GALNT2: variants seen among roughly 807,000 people sequenced by gnomAD.
GALNT2 encodes polypeptide N-acetylgalactosaminyltransferase 2, also known as UDP-GalNAc:polypeptide N-acetylgalactosaminyltransferase 2.
In GALNT2, 31 loss-of-function variants were observed where a neutral mutation model predicts 81.4. That is an observed-to-expected ratio of 0.38 (90% confidence interval 0.29 to 0.51). GALNT2 has a LOEUF of 0.51. GALNT2 is among the 20% of genes least tolerant of loss of function. GALNT2 has a pLI of 0.87. For synonymous variants in GALNT2, 303 were observed against 287.4 expected (o/e 1.05, Z -0.55); for missense variants, 629 against 765.7 (o/e 0.82, Z 2.11).
chr1:230,147,594 C>T (rs1661960309), intron 1 of GALNT2, among the ~76,000 whole-genome samples: 1 of 152,182 alleles, frequency 6.6e-6, no homozygotes, highest in African/African-American at 2.4e-5. Context: ...GTAAAATAAT[C>T]TCAGGCCAGG....
rs553476852 is a variant in GALNT2 at position 230,178,363 on chromosome 1, G to A, written c.220+52G>A. 4.3e-5 allele frequency: 60 copies of A among 1,380,084 alleles called. No individual in the cohort carries two copies. In the Admixed American group the frequency reaches 1.0e-3, roughly 24 times the overall value. 85.5% of individuals were successfully genotyped at this position (1,380,084 alleles called of 1,614,324 possible). On this transcript the variant is annotated intron_variant, in intron 2 of 15. Coordinates refer to ENST00000366672, the MANE Select transcript of GALNT2 (RefSeq NM_004481.5). ...TTGCTTTGAGCACGTGATTGGGAGT[G>A]GACTGAGCATGGCTCTTGGAGCAGG... is the stretch of plus-strand genomic sequence containing the variant.
At chr1:230,067,196 C>T (rs1659215059), upstream of GALNT2, 1 of 831,436 alleles carries the variant, frequency 1.2e-6, no homozygotes, top group East Asian at 4.5e-5. Context: ...TTCCTCCGCT[C>T]CTCCCCCGGC....
chr1:230,245,071 T>A (rs1421096868), intron 7 of GALNT2, among the ~76,000 whole-genome samples: 1 of 152,198 alleles, frequency 6.6e-6, no homozygotes, highest in Non-Finnish European at 1.5e-5. Context: ...TTAAAGAGGT[T>A]AGAGATGTTA....
chr1:230,188,409 C>T (rs967342613), intron 2 of GALNT2, among the ~76,000 whole-genome samples: 1 of 152,172 alleles, frequency 6.6e-6, no homozygotes, highest in African/African-American at 2.4e-5. Flanking sequence ...GATCTGGGTT[C>T]GGAACAAGGA....
At chr1:230,080,581 C>G (rs1659696579) in intron 1 of GALNT2, among the ~76,000 whole-genome samples, 1 of 152,056 alleles carries the variant, frequency 6.6e-6, no homozygotes, top group African/African-American at 2.4e-5. Flanking sequence ...ACAGCAGAAG[C>G]CCAGGAGGCT....
At chr1:230,111,996 T>G (rs1008960709) in intron 1 of GALNT2, among the ~76,000 whole-genome samples, 5 of 152,050 alleles carry the variant, frequency 3.3e-5, no homozygotes, top group African/African-American at 1.2e-4. Flanking sequence ...CAGGCTGGCT[T>G]AAGCAGAAAA....
intron 1 of GALNT2, among the ~76,000 whole-genome samples, chr1:230,072,630 A>C (rs1343031964): frequency 6.6e-6 from 1 of 152,206 alleles, no homozygotes; most frequent in Non-Finnish European, 1.5e-5. Context: ...GAGCCGTACA[A>C]GTCAGTGGAT....
chr1:230,137,178 C>T (rs11122383), intron 1 of GALNT2, among the ~76,000 whole-genome samples: 69,980 of 152,074 alleles, frequency 0.46, 16,432 homozygotes, highest in Middle Eastern at 0.57. Context: ...GTGCTTTTCA[C>T]TGGAGCCTGA....
intron 3 of GALNT2, among the ~76,000 whole-genome samples, chr1:230,215,098 C>T (rs747276230): frequency 2.6e-5 from 4 of 152,172 alleles, no homozygotes; most frequent in East Asian, 1.9e-4. Context: ...AGCTGGGTTT[C>T]GGTCTTTTGT....
At chr1:230,176,435 A>G (rs1263968366) in intron 1 of GALNT2, among the ~76,000 whole-genome samples, 2 of 152,212 alleles carry the variant, frequency 1.3e-5, no homozygotes, top group Non-Finnish European at 2.9e-5. Flanking sequence ...ACAAGTTTAA[A>G]TGATTTGATC....
intron 3 of GALNT2, among the ~76,000 whole-genome samples, chr1:230,220,260 A>T (rs77703515): frequency 0.01 from 1,383 of 137,236 alleles, 11 homozygotes; most frequent in Non-Finnish European, 0.016. Context: ...TATGATACAG[A>T]TTTTTTTCCA....
At chr1:230,240,032 T>C (rs1167867472) in intron 6 of GALNT2, among the ~76,000 whole-genome samples, 1 of 152,262 alleles carries the variant, frequency 6.6e-6, no homozygotes, top group Non-Finnish European at 1.5e-5. Flanking sequence ...TGTTACATTT[T>C]TACTTCAAAT....
upstream of GALNT2, among the ~76,000 whole-genome samples, chr1:230,066,281 C>T (rs1321258): frequency 0.14 from 22,066 of 152,244 alleles, 2,456 homozygotes; most frequent in East Asian, 0.34. Flanking sequence ...GCAAGGGCAT[C>T]ACCAAGGTTA....
intron 2 of GALNT2, among the ~76,000 whole-genome samples, chr1:230,178,762 T>C (rs1572054473): frequency 6.6e-6 from 1 of 152,110 alleles, no homozygotes; most frequent in South Asian, 2.1e-4. Context: ...GAACCTGCAT[T>C]GACACGTCAT....
At chr1:230,122,001 A>G (rs1265220113) in intron 1 of GALNT2, among the ~76,000 whole-genome samples, 2 of 121,122 alleles carry the variant, frequency 1.7e-5, no homozygotes, top group African/African-American at 6.5e-5. Flanking sequence ...TGCCCAGGCT[A>G]GCCTTGAACT....
Position 230,083,019 on chromosome 1 carries a change from C to T in GALNT2, c.126+15613C>T, listed in dbSNP as rs536501752. Among the ~76,000 whole-genome samples, 71 of 139,862 alleles carry T rather than the reference C, an allele frequency of 5.1e-4. 1 individual carries two copies. Among genetic ancestry groups the T allele is most frequent in the Middle Eastern group, 4.6e-3 (1 of 218 alleles). 91.8% of individuals were successfully genotyped at this position (139,862 alleles called of 152,430 possible). A position where few individuals can be genotyped will look rare whatever the true frequency, so the allele number is the denominator to read the frequency against. ...AGCAGGGAGCTGGAATGATAGAGCA[C>T]GGCAGTTGGGATGATGGAGGAGGGA... On this transcript the variant is annotated intron_variant, in intron 1 of 15. Transcript: ENST00000366672.
chr1:230,112,367 C>A (rs1660726979), intron 1 of GALNT2, among the ~76,000 whole-genome samples: 2 of 130,786 alleles, frequency 1.5e-5, no homozygotes, highest in Admixed American at 1.6e-4. Context: ...GAGCCTGCCT[C>A]CAGAGGCGCC....
chr1:230,197,785 CGTGT>C (rs1315999049), intron 2 of GALNT2, among the ~76,000 whole-genome samples: 1 of 151,944 alleles, frequency 6.6e-6, no homozygotes, highest in African/African-American at 2.4e-5. Flanking sequence ...TACATGCGTG[CGTGT>C]GTGTGTTCTG....
At chr1:230,172,087 C>T (rs890428803) in intron 1 of GALNT2, among the ~76,000 whole-genome samples, 3 of 152,208 alleles carry the variant, frequency 2.0e-5, no homozygotes, top group Admixed American at 6.5e-5. Context: ...CCACCAAACC[C>T]GATTTCACGT....
Sources: allele counts gnomAD v4.1 joint callset (sites outside exome capture counted in the v4.1 genomes callset), GRCh38; gene constraint gnomAD v4.1.1; transcripts MANE v1.5; gene names NCBI Gene and HGNC (gene_info 2026-07-23, HGNC 2026-07-21).